The following CWC27 variants were observed in gnomAD, a reference collection of about 807,000 sequenced individuals.
CWC27 encodes the protein CWC27 spliceosome associated cyclophilin.
Under a neutral mutation model 63.6 loss-of-function variants are expected in CWC27, and 47 were observed. That is an observed-to-expected ratio of 0.74 (90% CI 0.58 to 0.94). The LOEUF is 0.94. Ranked by LOEUF, CWC27 falls within the 40% of genes least tolerant of loss-of-function variation. CWC27 has a pLI of 0.00. For missense variants in CWC27, 495 were observed against 554.3 expected (o/e 0.89, Z 1.07); for synonymous variants, 175 against 179.8 (o/e 0.97, Z 0.22).
chr5:64,867,949 CTGT>C lies in CWC27; in HGVS notation c.939-17474_939-17472del, dbSNP rs879893810. ...ATCTTTGTTGTGTTTGGGGGGGGGGCTGTTGTTGTTGTTGTTGTTGTTTATATT... is the reference window on the plus strand; with the variant it reads ...ATCTTTGTTGTGTTTGGGGGGGGGGCTGTTGTTGTTGTTGTTGTTTATATT... On this transcript the variant is annotated intron_variant, in intron 10 of 13. Transcript: ENST00000381070. Among the ~76,000 whole-genome samples the C allele has an allele frequency of 2.3e-4, 33 of 146,180 alleles. 1 individual carries two copies. Among genetic ancestry groups the C allele is most frequent in the South Asian group, 8.8e-4 (4 of 4,564 alleles).
chr5:65,016,783 C>A (rs1172292026), intron 13 of CWC27, among the ~76,000 whole-genome samples: 2 of 152,160 alleles, frequency 1.3e-5, no homozygotes, highest in African/African-American at 2.4e-5. Flanking sequence ...AAGTAAATTT[C>A]ACTCATCATT....
intron 11 of CWC27, among the ~76,000 whole-genome samples, chr5:64,969,686 A>T (rs976692238): frequency 5.3e-5 from 8 of 151,578 alleles, no homozygotes; most frequent in Admixed American, 4.6e-4. Flanking sequence ...GACAAATATG[A>T]TTTGTCCTCA....
At chr5:64,935,326 G>C (rs1281784291) in intron 11 of CWC27, among the ~76,000 whole-genome samples, 1 of 152,162 alleles carries the variant, frequency 6.6e-6, no homozygotes, top group East Asian at 1.9e-4. Context: ...CTTATGGCTA[G>C]CCAGTTTTCC....
intron 10 of CWC27, among the ~76,000 whole-genome samples, chr5:64,815,057 G>C (rs1290989596): frequency 1.3e-5 from 2 of 152,066 alleles, no homozygotes; most frequent in Non-Finnish European, 1.5e-5. Context: ...AATAAGCATT[G>C]AGATAGGAAC....
At chr5:64,936,446 T>A (rs1748354107) in intron 11 of CWC27, among the ~76,000 whole-genome samples, 1 of 152,174 alleles carries the variant, frequency 6.6e-6, no homozygotes. Flanking sequence ...CCCAGGGATT[T>A]AGCTGACTTG....
chr5:64,883,072 G>A (rs1009672160), intron 10 of CWC27, among the ~76,000 whole-genome samples: 4 of 152,204 alleles, frequency 2.6e-5, no homozygotes, highest in African/African-American at 9.7e-5. Context: ...AATCATGGTG[G>A]AAGACATCTC....
chr5:64,875,552 G>T (rs922594499), intron 10 of CWC27, among the ~76,000 whole-genome samples: 1 of 152,056 alleles, frequency 6.6e-6, no homozygotes, highest in African/African-American at 2.4e-5. Context: ...TACCTTTTCA[G>T]CTAGGTTATA....
At chr5:64,990,169 G>C (rs913556635) in intron 13 of CWC27, among the ~76,000 whole-genome samples, 2 of 151,280 alleles carry the variant, frequency 1.3e-5, no homozygotes, top group African/African-American at 4.9e-5. Context: ...AACTTTTGGA[G>C]AGTAATATTT....
chr5:64,849,703 TG>T (rs76406137), intron 10 of CWC27, among the ~76,000 whole-genome samples: 53,472 of 151,522 alleles, frequency 0.35, 9,881 homozygotes, highest in East Asian at 0.51. Flanking sequence ...AGGGACCTGG[TG>T]GGGGGGTGAT....
intron 2 of CWC27, among the ~76,000 whole-genome samples, chr5:64,781,619 C>G (rs1320072900): frequency 7.2e-5 from 11 of 152,126 alleles, no homozygotes; most frequent in Admixed American, 6.6e-4. Context: ...CAAATGTCCC[C>G]TGGGGCACAA....
chr5:64,971,228 T>G (rs1749119489), intron 11 of CWC27, among the ~76,000 whole-genome samples: 1 of 152,224 alleles, frequency 6.6e-6, no homozygotes, highest in Non-Finnish European at 1.5e-5. Flanking sequence ...TTGACTTATT[T>G]GTTAGACATA....
At chr5:64,795,556 G>A (rs1289643313) in intron 7 of CWC27, among the ~76,000 whole-genome samples, 1 of 152,058 alleles carries the variant, frequency 6.6e-6, no homozygotes, top group East Asian at 1.9e-4. Flanking sequence ...GAGACTGCCT[G>A]TATTCTTTGG....
chr5:64,780,769 A>G (rs747010764), intron 2 of CWC27, among the ~76,000 whole-genome samples: 2 of 151,682 alleles, frequency 1.3e-5, no homozygotes, highest in Non-Finnish European at 2.9e-5. Flanking sequence ...AACTTTTTAC[A>G]CTATTTTATA....
chr5:64,809,288 T>C (rs1744794291), intron 10 of CWC27, among the ~76,000 whole-genome samples: 1 of 152,242 alleles, frequency 6.6e-6, no homozygotes, highest in South Asian at 2.1e-4. Context: ...CTTTTTTGTG[T>C]GTGGTGAAAA....
chr5:64,905,132 C>T (rs561556877), intron 11 of CWC27, among the ~76,000 whole-genome samples: 29 of 138,540 alleles, frequency 2.1e-4, no homozygotes, highest in Non-Finnish European at 3.4e-4. Flanking sequence ...ACCTGTGATG[C>T]AGAGGTTGCA....
chr5:64,864,251 G>A (rs1380906629), intron 10 of CWC27, among the ~76,000 whole-genome samples: 1 of 151,862 alleles, frequency 6.6e-6, no homozygotes. Flanking sequence ...TATTCTTTTT[G>A]AAAGTCAAAT....
chr5:64,776,068 C>CGAGAGAGAGAGAGAGAGAGAGAGA (rs70983650), intron 2 of CWC27, among the ~76,000 whole-genome samples: 16 of 108,556 alleles, frequency 1.5e-4, no homozygotes, highest in African/African-American at 5.3e-4. Context: ...AGGAGTGGAG[C>CGAGAGAGAGAGAGAGAGAGAGAGA]GAGAGAGAGA....
chr5:65,004,233 A>G (rs1749786004), intron 13 of CWC27, among the ~76,000 whole-genome samples: 1 of 151,764 alleles, frequency 6.6e-6, no homozygotes, highest in African/African-American at 2.4e-5. Context: ...CTTCCTTCCT[A>G]TGCCTCTTGT....
chr5:64,901,844 ATTC>A, intron 11 of CWC27, among the ~76,000 whole-genome samples: 1 of 152,288 alleles, frequency 6.6e-6, no homozygotes, highest in Admixed American at 6.5e-5. Flanking sequence ...CTACTTTTAA[ATTC>A]TTCTTTTTCC....
Sources: gnomAD v4.1 joint callset for allele counts (sites outside exome capture counted in the v4.1 genomes callset) on GRCh38, gnomAD v4.1.1 for gene constraint, MANE v1.5 for transcripts, NCBI Gene and HGNC (gene_info 2026-07-23, HGNC 2026-07-21) for gene names.